The following CCDC30 variants were observed in gnomAD, a reference collection of about 807,000 sequenced individuals.
CCDC30 encodes the protein coiled-coil domain-containing protein 30.
Under a neutral mutation model 100.2 loss-of-function variants are expected in CCDC30, and 70 were observed. That is an observed-to-expected ratio of 0.70 (90% CI 0.58 to 0.85). CCDC30 has a LOEUF of 0.85. Ranked by LOEUF, CCDC30 falls within the 40% of genes least tolerant of loss-of-function variation. The probability of loss-of-function intolerance (pLI) is 0.00; values close to 1 mark genes in which losing one functional copy is unlikely to be tolerated. For missense variants in CCDC30, 652 were observed against 771.2 expected (o/e 0.85, Z 1.83); for synonymous variants, 233 against 269.5 (o/e 0.86, Z 1.33).
chr1:42,584,159 C>G (rs185073494), intron 9 of CCDC30, among the ~76,000 whole-genome samples: 13 of 152,342 alleles, frequency 8.5e-5, no homozygotes, highest in East Asian at 7.7e-4. Flanking sequence ...TTCTCTAAAT[C>G]TTACACAAAT....
intron 1 of CCDC30, among the ~76,000 whole-genome samples, chr1:42,465,341 A>G (rs1275420866): frequency 1.4e-4 from 21 of 151,992 alleles, no homozygotes; most frequent in Non-Finnish European, 1.5e-5. Flanking sequence ...ATTCTAGGAC[A>G]GTTTTTTTTG....
At chr1:42,617,188 C>G (rs879399668) in intron 11 of CCDC30, among the ~76,000 whole-genome samples, 5 of 152,098 alleles carry the variant, frequency 3.3e-5, no homozygotes, top group African/African-American at 1.2e-4. Context: ...CCTGTAATCC[C>G]AGCACTTTCA....
chr1:42,493,660 C>T (rs1337375822), intron 4 of CCDC30, among the ~76,000 whole-genome samples: 3 of 152,058 alleles, frequency 2.0e-5, no homozygotes, highest in Non-Finnish European at 2.9e-5. Context: ...AGAGCTGCTT[C>T]TTCAGAAAGA....
chr1:42,595,784 C>T (rs977145961), intron 10 of CCDC30, among the ~76,000 whole-genome samples: 2 of 152,044 alleles, frequency 1.3e-5, no homozygotes, highest in Non-Finnish European at 2.9e-5. Context: ...CTTAGTGACT[C>T]CCTGAAAAAT....
chr1:42,515,544 G>A (rs144465286), intron 6 of CCDC30, among the ~76,000 whole-genome samples: 1 of 152,326 alleles, frequency 6.6e-6, no homozygotes, highest in East Asian at 1.9e-4. Context: ...GGAAAATGCA[G>A]CAACAAGGTG....
At chr1:42,611,845 T>G (rs2148643268) in intron 11 of CCDC30, among the ~76,000 whole-genome samples, 1 of 152,214 alleles carries the variant, frequency 6.6e-6, no homozygotes, top group South Asian at 2.1e-4. Context: ...CCCAGCTCAC[T>G]TTTTAATTTT....
intron 10 of CCDC30, chr1:42,590,919 T>C (rs1646174558): frequency 6.6e-6 from 1 of 152,160 alleles, no homozygotes; most frequent in African/African-American, 2.4e-5. Flanking sequence ...AACTCCTGCA[T>C]TGTGTTCATG....
chr1:42,534,013 T>C (rs1644850742), intron 6 of CCDC30: 1 of 152,190 alleles, frequency 6.6e-6, no homozygotes, highest in Non-Finnish European at 1.5e-5. Context: ...TCTCTCACAT[T>C]ATTTATTGCC....
intron 1 of CCDC30, among the ~76,000 whole-genome samples, chr1:42,480,196 T>C (rs965295899): frequency 2.0e-5 from 3 of 152,214 alleles, no homozygotes; most frequent in African/African-American, 4.8e-5. Flanking sequence ...CTAATGTATA[T>C]AGGTAAATTT....
chr1:42,600,322 A>C (rs1256744961), intron 10 of CCDC30, among the ~76,000 whole-genome samples: 1 of 152,228 alleles, frequency 6.6e-6, no homozygotes, highest in African/African-American at 2.4e-5. Context: ...AACTGCAAGG[A>C]GGAGTAGGTG....
intron 9 of CCDC30, among the ~76,000 whole-genome samples, chr1:42,585,671 A>G (rs72953734): frequency 0.039 from 5,987 of 152,116 alleles, 399 homozygotes; most frequent in African/African-American, 0.14. Context: ...TTTATAATAT[A>G]TGCATGTAAT....
chr1:42,655,416 G>C (rs955593980), downstream of CCDC30, among the ~76,000 whole-genome samples: 1 of 151,962 alleles, frequency 6.6e-6, no homozygotes, highest in Non-Finnish European at 1.5e-5. Flanking sequence ...GTGGTAGTGC[G>C]CGCGCCTGTA....
Position 42,644,819 on chromosome 1 carries a change from G to A in CCDC30, c.1671+12G>A. The A allele has an allele frequency of 6.6e-7, 1 of 1,521,322 alleles. No homozygotes were observed. The highest frequency in any genetic ancestry group is 9.1e-7 in the Non-Finnish European group (1 of 1,095,396). 94.2% of individuals were successfully genotyped at this position (1,521,322 alleles called of 1,614,324 possible). On this transcript the variant is annotated intron_variant, in intron 14 of 16. Coordinates refer to ENST00000668663, the Ensembl canonical transcript of CCDC30. ...TTCGCAGAGGAGAGGTAAGATGTGT[G>A]CTTCCTATTGGGCCTGCCTTTAATG...
upstream of CCDC30, chr1:42,459,409 T>C (rs55861965): frequency 0.39 from 231,769 of 596,962 alleles, 46,872 homozygotes; most frequent in East Asian, 0.53. Context: ...GATCCACCCA[T>C]CCTGGCCTTC....
intron 11 of CCDC30, among the ~76,000 whole-genome samples, chr1:42,619,731 C>T (rs960320934): frequency 1.3e-5 from 2 of 152,118 alleles, no homozygotes; most frequent in Non-Finnish European, 2.9e-5. Flanking sequence ...CTAGATCTGA[C>T]AAAGGAAGGA....
At chr1:42,480,860 C>T (rs999264840) in intron 2 of CCDC30, among the ~76,000 whole-genome samples, 4 of 152,130 alleles carry the variant, frequency 2.6e-5, no homozygotes, top group Non-Finnish European at 5.9e-5. Context: ...TGGCTCATGC[C>T]TATAATCCCA....
chr1:42,510,469 C>A (rs1233751860), intron 6 of CCDC30, among the ~76,000 whole-genome samples: 1 of 151,954 alleles, frequency 6.6e-6, no homozygotes, highest in Admixed American at 6.6e-5. Flanking sequence ...CCATCCTTGC[C>A]AATATGGTGA....
intron 1 of CCDC30, among the ~76,000 whole-genome samples, chr1:42,477,929 A>T (rs2148450686): frequency 6.6e-6 from 1 of 152,320 alleles, no homozygotes; most frequent in South Asian, 2.1e-4. Context: ...AAGGGAACAG[A>T]GTTGATAATA....
chr1:42,521,039 T>C (rs1644636006), intron 6 of CCDC30: 1 of 148,928 alleles, frequency 6.7e-6, no homozygotes. Flanking sequence ...AGTGGTGCAA[T>C]CTTGGCTCAC....
Sources: gnomAD v4.1 joint callset for allele counts (sites outside exome capture counted in the v4.1 genomes callset) on GRCh38, gnomAD v4.1.1 for gene constraint, MANE v1.5 for transcripts, NCBI Gene and HGNC (gene_info 2026-07-23, HGNC 2026-07-21) for gene names.